Variants in LONRF1 observed in about 807,000 individuals in gnomAD.
LONRF1 encodes the protein LON peptidase N-terminal domain and RING finger protein 1.
In LONRF1, 37 loss-of-function variants were observed where a neutral mutation model predicts 85.8. That is an observed-to-expected ratio of 0.43 (90% CI 0.33 to 0.57). The LOEUF is 0.57. LONRF1 is among the 20% of genes least tolerant of loss of function. LONRF1 has a pLI of 0.04. For synonymous variants in LONRF1, 517 were observed against 390.1 expected (o/e 1.33, Z -3.83); for missense variants, 1,036 against 978.0 (o/e 1.06, Z -0.79).
At chr8:12,732,633 C>T (rs539416835) in intron 7 of LONRF1, among the ~76,000 whole-genome samples, 1 of 152,282 alleles carries the variant, frequency 6.6e-6, no homozygotes, top group South Asian at 2.1e-4. Context: ...GGTCTGACTC[C>T]AATTTTACCT....
intron 2 of LONRF1, among the ~76,000 whole-genome samples, chr8:12,742,391 G>A (rs1348414526): frequency 1.3e-5 from 2 of 152,182 alleles, no homozygotes; most frequent in East Asian, 3.8e-4. Flanking sequence ...TAAACTGACT[G>A]TATGTTATAC....
Position 12,755,100 on chromosome 8 carries a change from C to G in LONRF1, c.321G>C (p.Ala107=). 1 of 1,470,408 alleles carries G rather than the reference C, an allele frequency of 6.8e-7. No individual in the cohort carries two copies. Among genetic ancestry groups the G allele is most frequent in the Non-Finnish European group, 9.0e-7 (1 of 1,116,172 alleles). The allele number at this position is 1,470,408 out of a possible 1,614,324, so 91.1% of individuals were successfully genotyped here. ...YRLRHGLGWS[A]APVAGADGGA... ...CGCCGTCAGCGCCTGCAACCGGGGCCGCGCTCCAGCCCAGCCCGTGGCGGA... is the reference window on the plus strand; with the variant it reads ...CGCCGTCAGCGCCTGCAACCGGGGCGGCGCTCCAGCCCAGCCCGTGGCGGA... The change falls in exon 1 of 12, where the codon GCG becomes GCC. Residue 107 remains alanine, a synonymous_variant. Coordinates refer to ENST00000398246, the MANE Select transcript of LONRF1 (RefSeq NM_152271.5).
intron 3 of LONRF1, among the ~76,000 whole-genome samples, chr8:12,739,472 C>A (rs1188008533): frequency 6.6e-6 from 1 of 151,830 alleles, no homozygotes; most frequent in Non-Finnish European, 1.5e-5. Flanking sequence ...CCTCTAGGAG[C>A]AGGGGATGGA....
At chr8:12,739,888 T>TA (rs1405332988) in intron 3 of LONRF1, among the ~76,000 whole-genome samples, 2 of 152,138 alleles carry the variant, frequency 1.3e-5, no homozygotes, top group Non-Finnish European at 2.9e-5. Context: ...CTAGAATGTA[T>TA]ATACAAACAA....
In LONRF1 at chr8:12,725,822, G is replaced by A; in HGVS notation, c.2068C>T (p.Gln690Ter). Residue 690 changes from glutamine (Q) to a stop codon, truncating the protein, a stop_gained, in exon 11 of 12, where the codon CAA becomes TAA. Transcript: ENST00000398246. LOFTEE classifies it high-confidence loss of function. ...AAATTCTGAAACCAGCTGCAGGCTT[G>A]AGAGTAAACCAAATCATGAAGCTCT... ...LRELHDLVYS[Q>*]ACSWFQNLRD... The A allele has an allele frequency of 1.9e-6, 3 of 1,613,610 alleles. No individual in the cohort carries two copies. Among genetic ancestry groups the A allele is most frequent in the Admixed American group, 1.7e-5 (1 of 60,024 alleles).
At chr8:12,735,531 G>A in intron 6 of LONRF1, 131 bp from the exon 7 acceptor site, 2 of 639,444 alleles carry the variant, frequency 3.1e-6, no homozygotes, top group Non-Finnish European at 5.6e-6. Context: ...CAGGAGAGGA[G>A]AGAAAGGGCA....
intron 3 of LONRF1, among the ~76,000 whole-genome samples, chr8:12,740,641 G>T (rs1037807972): frequency 2.0e-5 from 3 of 152,086 alleles, no homozygotes; most frequent in African/African-American, 7.2e-5. Context: ...CAAACTATTA[G>T]AATACTAACC....
At chr8:12,728,162 A>G (rs1798392256) in intron 10 of LONRF1, among the ~76,000 whole-genome samples, 1 of 152,208 alleles carries the variant, frequency 6.6e-6, no homozygotes, top group Admixed American at 6.5e-5. Flanking sequence ...TGCCTTTCCA[A>G]AAGAAATTGC....
In LONRF1 at chr8:12,755,256, C is replaced by G. The variant is rs901769364; in HGVS notation, c.165G>C (p.Gly55=). ...SERWELLLRR[G]ELLALGGHLK... The stretch of plus-strand genomic sequence containing the variant: ...GGTGGCCGCCCAGCGCCAGCAGCTC[C>G]CCGCGGCGGAGCAGCAGCTCCCAGC... The change falls in exon 1 of 12, where the codon GGG becomes GGC. Residue 55 remains glycine (G), a synonymous_variant. Transcript: ENST00000398246. The G allele has an allele frequency of 2.4e-6, 3 of 1,234,652 alleles. No homozygotes were observed. Among genetic ancestry groups the G allele is most frequent in the African/African-American group, 1.6e-5 (1 of 63,316 alleles). The allele number at this position is 1,234,652 out of a possible 1,614,324, so 76.5% of individuals were successfully genotyped here. A position where few individuals can be genotyped will look rare whatever the true frequency, so the allele number is the denominator to read the frequency against.
intron 7 of LONRF1, among the ~76,000 whole-genome samples, chr8:12,732,908 C>T (rs751345039): frequency 9.2e-5 from 14 of 152,158 alleles, no homozygotes; most frequent in Non-Finnish European, 1.5e-4. Context: ...CAAGATGAAG[C>T]CATCCTTGAA....
chr8:12,727,445 G>C (rs1798357930), intron 10 of LONRF1: 1 of 137,642 alleles, frequency 7.3e-6, no homozygotes. Flanking sequence ...AGGTTTTCCA[G>C]AATGGACAAG....
At chr8:12,748,627 C>G (rs369805997) in intron 1 of LONRF1, among the ~76,000 whole-genome samples, 33 of 152,214 alleles carry the variant, frequency 2.2e-4, no homozygotes, top group African/African-American at 7.2e-4. Context: ...AAAATAGCAT[C>G]GTAATTTTAA....
At chr8:12,741,282 G>A (rs1563149931) in intron 2 of LONRF1, among the ~76,000 whole-genome samples, 1 of 152,322 alleles carries the variant, frequency 6.6e-6, no homozygotes, top group Non-Finnish European at 1.5e-5. Context: ...TAACTGGGAG[G>A]CTAAGGCATG....
At chr8:12,744,820 T>C (rs933429292) in intron 1 of LONRF1, among the ~76,000 whole-genome samples, 24 of 152,224 alleles carry the variant, frequency 1.6e-4, no homozygotes, top group Admixed American at 1.4e-3. Context: ...GACTCCGCTC[T>C]AGTACCTCCA....
intron 1 of LONRF1, among the ~76,000 whole-genome samples, chr8:12,748,495 C>A (rs1799254545): frequency 6.6e-6 from 1 of 152,168 alleles, no homozygotes; most frequent in Non-Finnish European, 1.5e-5. Context: ...CCATGCTGGG[C>A]CTAGAAAGTT....
intron 1 of LONRF1, among the ~76,000 whole-genome samples, chr8:12,744,622 C>T (rs536710295): frequency 3.7e-4 from 57 of 152,258 alleles, no homozygotes; most frequent in African/African-American, 1.2e-3. Flanking sequence ...TACTGTCAAA[C>T]AGCATCATGC....
intron 1 of LONRF1, among the ~76,000 whole-genome samples, chr8:12,751,654 T>C (rs1799409860): frequency 6.6e-6 from 1 of 151,692 alleles, no homozygotes; most frequent in African/African-American, 2.4e-5. Flanking sequence ...ACCCAAATAT[T>C]TTAAAACAAA....
chr8:12,750,251 A>G (rs1056890895), intron 1 of LONRF1, among the ~76,000 whole-genome samples: 1 of 152,242 alleles, frequency 6.6e-6, no homozygotes, highest in Non-Finnish European at 1.5e-5. Flanking sequence ...TAATCACCAT[A>G]CAGACATCAG....
At chr8:12,746,874 A>C (rs1243128199) in intron 1 of LONRF1, among the ~76,000 whole-genome samples, 1 of 152,192 alleles carries the variant, frequency 6.6e-6, no homozygotes, top group East Asian at 1.9e-4. Context: ...CTCTACCCCA[A>C]GGCTTACTCT....
Sources: allele counts gnomAD v4.1 joint callset (sites outside exome capture counted in the v4.1 genomes callset), GRCh38; gene constraint gnomAD v4.1.1; transcripts MANE v1.5; gene names NCBI Gene and HGNC (gene_info 2026-07-23, HGNC 2026-07-21).